GRID2: variants seen among roughly 807,000 people sequenced by gnomAD.
The protein encoded by GRID2 is glutamate ionotropic receptor delta type subunit 2, also known as glutamate receptor ionotropic, delta-2.
In GRID2, 33 loss-of-function variants were observed where a neutral mutation model predicts 114.8. The ratio of observed to expected loss-of-function variants is 0.29; its 90% CI spans 0.22 to 0.38. The LOEUF (loss-of-function observed/expected upper bound fraction) is 0.38, where lower values mean the gene tolerates loss of function less well. GRID2 is among the 10% of genes least tolerant of loss of function. The pLI, the probability that GRID2 is intolerant of heterozygous loss-of-function variation, is 1.00. For synonymous variants in GRID2, 505 were observed against 449.9 expected (o/e 1.12, Z -1.55); for missense variants, 1,184 against 1,257.7 (o/e 0.94, Z 0.89).
At chr4:93,024,175 A>G (rs1311226051) in intron 2 of GRID2, among the ~76,000 whole-genome samples, 1 of 151,794 alleles carries the variant, frequency 6.6e-6, no homozygotes, top group African/African-American at 2.4e-5. Flanking sequence ...AGTCTTACTA[A>G]GATCATTTTT....
chr4:92,424,716 A>G (rs1732070474), intron 1 of GRID2, among the ~76,000 whole-genome samples: 1 of 151,426 alleles, frequency 6.6e-6, no homozygotes, highest in South Asian at 2.1e-4. Flanking sequence ...TAGGGTAATA[A>G]TAGGCTTTTG....
At chr4:92,883,703 C>T (rs186717400) in intron 2 of GRID2, among the ~76,000 whole-genome samples, 46 of 152,184 alleles carry the variant, frequency 3.0e-4, no homozygotes, top group African/African-American at 8.9e-4. Flanking sequence ...GGTGACCAGG[C>T]GCATTGTCAA....
chr4:93,743,555 C>T (rs1731589274), intron 14 of GRID2, among the ~76,000 whole-genome samples: 1 of 152,124 alleles, frequency 6.6e-6, no homozygotes, highest in African/African-American at 2.4e-5. Context: ...CAGGGTGCTT[C>T]CTCTCATGGT....
chr4:92,637,193 C>A (rs567556350), intron 2 of GRID2, among the ~76,000 whole-genome samples: 2 of 151,864 alleles, frequency 1.3e-5, no homozygotes, highest in Non-Finnish European at 2.9e-5. Flanking sequence ...AAGACATCTA[C>A]AATAAAAATT....
rs550743656 is a variant in GRID2, at chr4:93,152,103, GA to G, written c.735+41154del. 6.2e-4 allele frequency among the ~76,000 whole-genome samples: 94 copies of G among 152,170 alleles called. 1 individual carries two copies. Among genetic ancestry groups the G allele is most frequent in the African/African-American group, 2.0e-3 (84 of 41,544 alleles). On this transcript the variant is annotated intron_variant, in intron 4 of 15. Transcript: ENST00000282020. ...TCAAGGAAGGGCACAAAGAACTTCA[GA>G]AAAGCAATCAAATTTTCTTTGTTTC...
intron 1 of GRID2, among the ~76,000 whole-genome samples, chr4:92,325,202 A>T (rs1726530454): frequency 6.6e-6 from 1 of 151,946 alleles, no homozygotes; most frequent in South Asian, 2.1e-4. Context: ...ATGCCATTTT[A>T]CCCAAATTTT....
intron 1 of GRID2, among the ~76,000 whole-genome samples, chr4:92,332,118 C>T (rs1026666889): frequency 3.3e-5 from 5 of 152,164 alleles, no homozygotes; most frequent in African/African-American, 1.2e-4. Flanking sequence ...GTACTTTTCT[C>T]AGTCCCTTTC....
chr4:93,449,735 C>T (rs1722500832), intron 10 of GRID2, among the ~76,000 whole-genome samples: 1 of 152,026 alleles, frequency 6.6e-6, no homozygotes, highest in African/African-American at 2.4e-5. Flanking sequence ...ACTTTAGAGG[C>T]ATATTGCCAT....
chr4:93,461,861 C>T (rs922312146), intron 11 of GRID2, among the ~76,000 whole-genome samples: 2 of 152,154 alleles, frequency 1.3e-5, no homozygotes, highest in African/African-American at 4.8e-5. Flanking sequence ...TTAAGTGAAA[C>T]TGGATTTGAT....
intron 14 of GRID2, among the ~76,000 whole-genome samples, chr4:93,748,217 G>T (rs1448792749): frequency 6.6e-6 from 1 of 152,056 alleles, no homozygotes; most frequent in Non-Finnish European, 1.5e-5. Flanking sequence ...CACTGTATGG[G>T]TCGATATCTC....
intron 1 of GRID2, among the ~76,000 whole-genome samples, chr4:93,798,213 T>C (rs183938398): frequency 1.0e-3 from 159 of 152,062 alleles, no homozygotes; most frequent in Admixed American, 2.0e-3. Context: ...GTGGAGATTG[T>C]GCTGTCAATA....
chr4:93,645,637 G>A (rs1048596974), intron 14 of GRID2, among the ~76,000 whole-genome samples: 1 of 151,990 alleles, frequency 6.6e-6, no homozygotes, highest in Admixed American at 6.6e-5. Context: ...CTGGATACCT[G>A]GGTCATCCCT....
chr4:92,475,861 C>T (rs1414145972), intron 1 of GRID2, among the ~76,000 whole-genome samples: 11 of 151,732 alleles, frequency 7.2e-5, no homozygotes, highest in Admixed American at 5.3e-4. Context: ...ATATAGTTTT[C>T]GGTTTACAGA....
intron 14 of GRID2, among the ~76,000 whole-genome samples, chr4:93,629,845 T>C (rs903266445): frequency 6.6e-6 from 1 of 152,168 alleles, no homozygotes; most frequent in African/African-American, 2.4e-5. Context: ...CCAGACGTCT[T>C]ATATGTTTAT....
chr4:93,290,871 AC>A (rs1753666630), intron 8 of GRID2, among the ~76,000 whole-genome samples: 3 of 93,666 alleles, frequency 3.2e-5, no homozygotes, highest in African/African-American at 4.3e-5. Flanking sequence ...CATACAAGTT[AC>A]TTTTTTTTTT....
At chr4:92,438,667 G>A (rs964443020) in intron 1 of GRID2, among the ~76,000 whole-genome samples, 5 of 150,888 alleles carry the variant, frequency 3.3e-5, no homozygotes, top group East Asian at 2.0e-4. Flanking sequence ...CCAACTCTTC[G>A]TTGGCTACCA....
intron 1 of GRID2, among the ~76,000 whole-genome samples, chr4:92,516,002 T>C (rs1011348390): frequency 9.9e-5 from 15 of 151,918 alleles, no homozygotes; most frequent in Admixed American, 8.5e-4. Flanking sequence ...CCTTAAACCA[T>C]GTTACTTTAT....
At chr4:92,846,393 C>T (rs1743328370) in intron 2 of GRID2, among the ~76,000 whole-genome samples, 1 of 152,080 alleles carries the variant, frequency 6.6e-6, no homozygotes, top group Non-Finnish European at 1.5e-5. Flanking sequence ...CAGTGTTTAG[C>T]TCCCTTTTGT....
At chr4:93,624,625 C>T (rs1313936788) in intron 13 of GRID2, among the ~76,000 whole-genome samples, 1 of 151,926 alleles carries the variant, frequency 6.6e-6, no homozygotes, top group Non-Finnish European at 1.5e-5. Context: ...ATGTTGTCAC[C>T]CCAGTAACAT....
Sources: gnomAD v4.1 joint callset for allele counts (sites outside exome capture counted in the v4.1 genomes callset) on GRCh38, gnomAD v4.1.1 for gene constraint, MANE v1.5 for transcripts, NCBI Gene and HGNC (gene_info 2026-07-23, HGNC 2026-07-21) for gene names.